GPR173: variants seen among roughly 807,000 people sequenced by gnomAD.
GPR173 encodes probable G protein-coupled receptor 173.
GPR173 carries 2 observed loss-of-function variants against 13.9 expected under a neutral mutation model. The ratio of observed to expected loss-of-function variants is 0.14; its 90% CI spans 0.06 to 0.45. The LOEUF is 0.45. Ranked by LOEUF, GPR173 falls within the 20% of genes least tolerant of loss-of-function variation. GPR173 has a pLI of 0.98. For missense variants in GPR173, 202 were observed against 340.5 expected, an observed-to-expected ratio of 0.59 and a Z score of 3.20; for synonymous variants, 131 against 141.0, an observed-to-expected ratio of 0.93 and a Z score of 0.50.
chrX:53,074,024 T>TTA (rs1431566889), intron 1 of GPR173, among the ~76,000 whole-genome samples: 1 of 26,694 alleles, frequency 3.7e-5, no homozygotes, highest in Non-Finnish European at 5.5e-5. Flanking sequence ...AAATATATAT[T>TTA]TATATATAAA....
chrX:53,060,014 TTA>T (rs371575080), intron 1 of GPR173, among the ~76,000 whole-genome samples: 63 of 98,632 alleles, frequency 6.4e-4, no homozygotes, highest in South Asian at 1.8e-3. Flanking sequence ...AAAGTGTATA[TTA>T]TATATATATA....
intron 1 of GPR173, among the ~76,000 whole-genome samples, chrX:53,052,631 G>A (rs1166742536): frequency 9.3e-6 from 1 of 108,000 alleles, no homozygotes; most frequent in African/African-American, 3.5e-5. Flanking sequence ...GTGTGTGTGT[G>A]TGAATATGCC....
chrX:53,076,877 G>A lies in GPR173; in HGVS notation c.256G>A (p.Gly86Ser), dbSNP rs1556805893. ...CTTTGTGCTGGCTTCTGTGCGCCACGGCTCTTCATGGACCTTCAGTGCACT... is the reference window on the plus strand; with the variant it reads ...CTTTGTGCTGGCTTCTGTGCGCCACAGCTCTTCATGGACCTTCAGTGCACT... The part of the protein sequence containing the change: ...FPFVLASVRH[G>S]SSWTFSALSC... Residue 86 changes from glycine (G) to serine (S), a missense_variant, in exon 2 of 2, where the codon GGC (glycine) becomes AGC (serine). By Grantham distance (56) the Gly-to-Ser change is moderately conservative (BLOSUM62 0). Transcript: ENST00000332582. 1.7e-5 allele frequency: 21 copies of A among 1,209,652 alleles called. No homozygotes were observed. The highest frequency in any genetic ancestry group is 2.0e-5 in the Non-Finnish European group (18 of 895,281).
At position 53,048,884 on chromosome X, in the gene GPR173, G is replaced by C. The variant is rs782741875; in HGVS notation, c.-698G>C. On this transcript the variant is annotated 5_prime_UTR_variant, in exon 1 of 2. Coordinates refer to ENST00000332582, the MANE Select transcript of GPR173 (RefSeq NM_018969.6). Reference sequence around the variant, plus strand: ...CCTCTTCCCCATCCCCGCCAGGCCCGGGGAGCGGGGTGAGCCTGGATGAGA... The same window carrying C: ...CCTCTTCCCCATCCCCGCCAGGCCCCGGGAGCGGGGTGAGCCTGGATGAGA... Among the ~76,000 whole-genome samples, 56 of 111,009 alleles carry C rather than the reference G, an allele frequency of 5.0e-4. No homozygotes were observed. The South Asian group carries it at 0.022, about 43-fold the overall frequency.
intron 1 of GPR173, among the ~76,000 whole-genome samples, chrX:53,061,579 G>A (rs1556803789): frequency 9.0e-6 from 1 of 111,258 alleles, no homozygotes; most frequent in East Asian, 2.8e-4. Flanking sequence ...AACTGAAGAG[G>A]GTTAGGGGTA....
rs1166548676 is a variant in GPR173, at chrX:53,057,213, TC to T, written c.-98+7730del. The stretch of plus-strand genomic sequence containing the variant: ...AGGCAGATCACTTGAGGTCAGGAGT[TC>T]GAGACCAGCCTGACCAATGTGGTGA... On this transcript the variant is annotated intron_variant, in intron 1 of 1. Transcript: ENST00000332582. Among the ~76,000 whole-genome samples, 10 of 110,678 alleles carry T rather than the reference TC, an allele frequency of 9.0e-5. 1 individual carries two copies. Among genetic ancestry groups the T allele is most frequent in the Non-Finnish European group, 1.7e-4 (9 of 52,939 alleles).
chrX:53,078,667 C>A lies in GPR173; in HGVS notation c.*924C>A, dbSNP rs1157782633. On this transcript the variant is annotated 3_prime_UTR_variant, in exon 2 of 2. Transcript: ENST00000332582. ...GTGCCATACAGGCAGGAGCAGCCCA[C>A]CAGGAAAGTGTAAGGAGGGAGCTGA... is the stretch of plus-strand genomic sequence containing the variant. 10 of 123,051 alleles carry A rather than the reference C, an allele frequency of 8.1e-5. No homozygotes were observed. In the Admixed American group the frequency reaches 9.5e-4, roughly 12 times the overall value. 10.1% of individuals were successfully genotyped at this position (123,051 alleles called of 1,213,427 possible).
At chrX:53,052,281 C>T (rs1294248841) in intron 1 of GPR173, among the ~76,000 whole-genome samples, 2 of 111,153 alleles carry the variant, frequency 1.8e-5, no homozygotes, top group South Asian at 3.8e-4. Flanking sequence ...CACACACACA[C>T]GCAAAATGCT....
rs1556805992 is a variant in GPR173, at chrX:53,077,391, C to G, written c.770C>G (p.Thr257Ser). 1.7e-6 allele frequency: 2 copies of G among 1,201,502 alleles called. No individual in the cohort carries two copies. The highest frequency in any genetic ancestry group is 3.5e-5 in the African/African-American group (2 of 57,562). ...AGFGRGPMPP[T>S]LLGIRQNGHA... Reference sequence around the variant, plus strand: ...TTTGGCCGTGGGCCCATGCCACCAACCCTGCTGGGTATCCGGCAGAATGGG... The same window carrying G: ...TTTGGCCGTGGGCCCATGCCACCAAGCCTGCTGGGTATCCGGCAGAATGGG... The change falls in exon 2 of 2, where the codon ACC becomes AGC. Residue 257 changes from threonine to serine, a missense_variant. Thr to Ser is a moderately conservative substitution (Grantham distance 58). Coordinates refer to ENST00000332582, the MANE Select transcript of GPR173 (RefSeq NM_018969.6).
At chrX:53,071,414 A>C (rs1932255851) in intron 1 of GPR173, among the ~76,000 whole-genome samples, 1 of 112,655 alleles carries the variant, frequency 8.9e-6, no homozygotes, top group Middle Eastern at 4.6e-3. Flanking sequence ...AGCTCATCCC[A>C]AACCAAAGTG....
intron 1 of GPR173, among the ~76,000 whole-genome samples, chrX:53,064,340 G>A (rs782108789): frequency 9.0e-6 from 1 of 111,634 alleles, no homozygotes; most frequent in Non-Finnish European, 1.9e-5. Context: ...AGGCCAAGGC[G>A]GGAGGATTGC....
At chrX:53,066,879 T>C (rs782788798) in intron 1 of GPR173, among the ~76,000 whole-genome samples, 1 of 111,561 alleles carries the variant, frequency 9.0e-6, no homozygotes, top group Non-Finnish European at 1.9e-5. Context: ...CATAATTTAC[T>C]GTGGAAATGA....
chrX:53,053,821 G>A lies in GPR173; in HGVS notation c.-98+4337G>A, dbSNP rs782172364. Among the ~76,000 whole-genome samples the A allele has an allele frequency of 4.4e-5, 5 of 112,819 alleles. No homozygotes were observed. The East Asian group carries it at 1.4e-3, about 32-fold the overall frequency. ...CTGATGCCTGTGACCCCCATTCTGG[G>A]GCTTCTCTGGCCTTGACCATGTACT... is the stretch of plus-strand genomic sequence containing the variant. On this transcript the variant is annotated intron_variant, in intron 1 of 1. Coordinates refer to ENST00000332582, the MANE Select transcript of GPR173 (RefSeq NM_018969.6).
At position 53,077,071 on chromosome X, in the gene GPR173, G is replaced by A; in HGVS notation, c.450G>A (p.Leu150=). ...CAAVICMAWT[L]SVAMAFPPVF... is the part of the protein sequence containing the mutation. ...CTGTCATCTGCATGGCCTGGACCCT[G>A]TCTGTGGCCATGGCCTTCCCACCTG... The change falls in exon 2 of 2, where the codon CTG becomes CTA. Residue 150 remains leucine (L), a synonymous_variant. Transcript: ENST00000332582. 1 of 1,210,087 alleles carries A rather than the reference G, an allele frequency of 8.3e-7. No homozygotes were observed. Among genetic ancestry groups the A allele is most frequent in the Non-Finnish European group, 1.1e-6 (1 of 894,236 alleles).
At chrX:53,056,125 G>A (rs782489148) in intron 1 of GPR173, among the ~76,000 whole-genome samples, 51 of 109,405 alleles carry the variant, frequency 4.7e-4, no homozygotes, top group East Asian at 5.8e-4. Flanking sequence ...TTGGGGTGGG[G>A]TACAAGTTTG....
chrX:53,077,047 T>A lies in GPR173; in HGVS notation c.426T>A (p.Ala142=). The A allele has an allele frequency of 1.7e-6, 2 of 1,209,535 alleles. No individual in the cohort carries two copies. Among genetic ancestry groups the A allele is most frequent in the East Asian group, 5.9e-5 (2 of 33,855 alleles). Residue 142 remains alanine (A), a synonymous_variant, in exon 2 of 2, where the codon GCT becomes GCA. Coordinates refer to ENST00000332582, the MANE Select transcript of GPR173 (RefSeq NM_018969.6). ...GCATGACACTCTGGACATGCGCGGC[T>A]GTCATCTGCATGGCCTGGACCCTGT... The part of the protein sequence containing the change: ...AKRMTLWTCA[A]VICMAWTLSV...
intron 1 of GPR173, among the ~76,000 whole-genome samples, chrX:53,068,788 A>ATAAATAAATAAATAAATAAT (rs1556804485): frequency 9.5e-6 from 1 of 105,508 alleles, no homozygotes; most frequent in Non-Finnish European, 1.9e-5. Context: ...AAATAAATAA[A>ATAAATAAATAAATAAATAAT]TATTTTTCAT....
intron 1 of GPR173, among the ~76,000 whole-genome samples, chrX:53,054,563 C>T (rs781921975): frequency 7.6e-5 from 8 of 105,879 alleles, no homozygotes; most frequent in East Asian, 3.0e-4. Flanking sequence ...GTAGGGTGTG[C>T]GTGTGAGGCA....
At chrX:53,072,319 C>T (rs782611197) in intron 1 of GPR173, among the ~76,000 whole-genome samples, 1 of 107,947 alleles carries the variant, frequency 9.3e-6, no homozygotes, top group East Asian at 2.9e-4. Flanking sequence ...CTGCCCCACC[C>T]CACCCCGTCT....
Sources: allele counts gnomAD v4.1 joint callset (sites outside exome capture counted in the v4.1 genomes callset), GRCh38; gene constraint gnomAD v4.1.1; transcripts MANE v1.5; gene names NCBI Gene and HGNC (gene_info 2026-07-23, HGNC 2026-07-21).